NF1: variants seen among roughly 807,000 people sequenced by gnomAD.
The protein encoded by NF1 is neurofibromin.
A neutral mutation model predicts 325.7 loss-of-function variants in NF1; 122 were observed. The ratio of observed to expected loss-of-function variants is 0.37; its 90% CI spans 0.32 to 0.44. The LOEUF is 0.44. Among genes scored for constraint, NF1 ranks in the 20% least tolerant of loss-of-function variants. NF1 has a pLI of 1.00. For missense variants in NF1, 2,140 were observed against 3,415.4 expected, an observed-to-expected ratio of 0.63 and a Z score of 9.31; for synonymous variants, 1,091 against 1,186.0, an observed-to-expected ratio of 0.92 and a Z score of 1.65.
At chr17:31,303,586 A>G (rs1240141589) in intron 36 of NF1, among the ~76,000 whole-genome samples, 1 of 152,108 alleles carries the variant, frequency 6.6e-6, no homozygotes, top group Non-Finnish European at 1.5e-5. Context: ...GGGTGTTTAT[A>G]AAGAAGAAAC....
intron 1 of NF1, among the ~76,000 whole-genome samples, chr17:31,126,908 A>G (rs1033007082): frequency 4.2e-4 from 64 of 151,936 alleles, no homozygotes; most frequent in African/African-American, 1.5e-3. Flanking sequence ...ATAATTCTCT[A>G]TTTTCTAAAA....
chr17:31,176,390 G>C (rs2066023742), intron 5 of NF1, among the ~76,000 whole-genome samples: 1 of 152,108 alleles, frequency 6.6e-6, no homozygotes, highest in Non-Finnish European at 1.5e-5. Context: ...TAAGTTCTTT[G>C]TAGGTTCTGG....
rs2151583533 is a variant in NF1, at chr17:31,357,386, G to T, written c.7970+17G>T. On this transcript the variant is annotated intron_variant, in intron 54 of 57. Coordinates refer to ENST00000358273, the MANE Select transcript of NF1 (RefSeq NM_001042492.3). The stretch of plus-strand genomic sequence containing the variant: ...TCCTGTTGTGTAAGTATCTCCTTTT[G>T]ATTTTAATTCACCTTCGTGCCTGTC... The T allele has an allele frequency of 1.3e-6, 2 of 1,584,928 alleles. No individual in the cohort carries two copies. The highest frequency in any genetic ancestry group is 1.7e-6 in the Non-Finnish European group (2 of 1,153,574).
At chr17:31,339,209 G>C (rs1351612358) in intron 46 of NF1, among the ~76,000 whole-genome samples, 1 of 152,116 alleles carries the variant, frequency 6.6e-6, no homozygotes, top group Non-Finnish European at 1.5e-5. Flanking sequence ...GGAGTGAATG[G>C]ATAATGAAGT....
chr17:31,167,943 C>T (rs2065871550), intron 4 of NF1, among the ~76,000 whole-genome samples: 1 of 152,064 alleles, frequency 6.6e-6, no homozygotes. Flanking sequence ...CATGTACAAA[C>T]TGTGAAAAGT....
chr17:31,367,412 C>T, intron 57 of NF1: 1 of 406,922 alleles, frequency 2.5e-6, no homozygotes, highest in Non-Finnish European at 4.5e-6. Flanking sequence ...ACTTGTAAAG[C>T]CACCACTTTA....
chr17:31,165,297 C>T (rs1597638472), intron 4 of NF1, among the ~76,000 whole-genome samples: 1 of 152,286 alleles, frequency 6.6e-6, no homozygotes, highest in African/African-American at 2.4e-5. Flanking sequence ...ATTTTATTAG[C>T]TTTCAGAGGA....
intron 36 of NF1, among the ~76,000 whole-genome samples, chr17:31,286,436 A>T (rs2068229275): frequency 6.6e-6 from 1 of 152,148 alleles, no homozygotes; most frequent in African/African-American, 2.4e-5. Flanking sequence ...AGGTGTCTCT[A>T]AGCTCATACT....
At position 31,326,165 on chromosome 17, in the gene NF1, T is replaced by C. The variant is rs2151538814; in HGVS notation, c.5181T>C (p.Pro1727=). ...TAGAGCATGAACAACAGAAACTACC[T>C]GCTGCCACCTTGGCTTTAGAAGAGG... is the stretch of plus-strand genomic sequence containing the variant. ...EHIEHEQQKL[P]AATLALEEDL... The change falls in exon 37 of 58, where the codon CCT becomes CCC. Residue 1727 remains proline (P), a synonymous_variant. Coordinates refer to ENST00000358273, the MANE Select transcript of NF1 (RefSeq NM_001042492.3). 6.2e-7 allele frequency: 1 copy of C among 1,613,158 alleles called. No individual in the cohort carries two copies. Among genetic ancestry groups the C allele is most frequent in the East Asian group, 2.2e-5 (1 of 44,874 alleles).
At chr17:31,339,366 C>T (rs531305036) in intron 46 of NF1, among the ~76,000 whole-genome samples, 4 of 152,224 alleles carry the variant, frequency 2.6e-5, no homozygotes, top group African/African-American at 4.8e-5. Context: ...TTAGGATGGT[C>T]TGACCTTATC....
At chr17:31,340,389 A>G in intron 46 of NF1, 116 bp from the exon 47 acceptor site, 4 of 1,342,042 alleles carry the variant, frequency 3.0e-6, no homozygotes, top group Non-Finnish European at 3.2e-6. Context: ...CTTCCCCAAA[A>G]GAGAAAACAT....
intron 57 of NF1, among the ~76,000 whole-genome samples, chr17:31,371,828 CA>C (rs1324338793): frequency 7.2e-5 from 11 of 152,210 alleles, no homozygotes; most frequent in African/African-American, 2.7e-4. Context: ...GACAAATGCC[CA>C]TGTTCCTTTG....
intron 1 of NF1, among the ~76,000 whole-genome samples, chr17:31,127,712 G>A (rs1056878204): frequency 2.0e-5 from 3 of 151,860 alleles, no homozygotes; most frequent in African/African-American, 7.2e-5. Context: ...GATTACAGGT[G>A]TGAGCCACCA....
At chr17:31,153,861 GCCT>G (rs1917121210) in intron 1 of NF1, among the ~76,000 whole-genome samples, 1 of 151,156 alleles carries the variant, frequency 6.6e-6, no homozygotes, top group Non-Finnish European at 1.5e-5. Context: ...CAGTCCTCCT[GCCT>G]CAGCCTCTCA....
At chr17:31,124,558 C>A (rs1597588231) in intron 1 of NF1, among the ~76,000 whole-genome samples, 8 of 127,976 alleles carry the variant, frequency 6.3e-5, no homozygotes, top group South Asian at 2.7e-4. Context: ...TTATTATAAA[C>A]AATGCTTCAG....
At chr17:31,112,648 G>A (rs1463908057) in intron 1 of NF1, among the ~76,000 whole-genome samples, 1 of 152,112 alleles carries the variant, frequency 6.6e-6, no homozygotes, top group African/African-American at 2.4e-5. Flanking sequence ...GGAGTTTTCA[G>A]AATTCATAAT....
At chr17:31,296,682 G>T in intron 36 of NF1, 1 of 275,892 alleles carries the variant, frequency 3.6e-6, no homozygotes, top group Non-Finnish European at 7.0e-6. Flanking sequence ...AATAGTTGCA[G>T]TTGTAGGCTA....
chr17:31,236,182 T>C, intron 29 of NF1, among the ~76,000 whole-genome samples, 161 bp downstream of exon 29: 1 of 152,160 alleles, frequency 6.6e-6, no homozygotes, highest in East Asian at 1.9e-4. Context: ...TTTAATGATA[T>C]CTGTAATTTT....
In NF1 at chr17:31,096,940, CTG is replaced by C. The variant is rs1555594989; in HGVS notation, c.60+1573_60+1574del. Among the ~76,000 whole-genome samples, 12 of 151,980 alleles carry C rather than the reference CTG, an allele frequency of 7.9e-5. No individual in the cohort carries two copies. In the East Asian group the frequency reaches 2.3e-3, roughly 29 times the overall value. On this transcript the variant is annotated intron_variant, in intron 1 of 57. Coordinates refer to ENST00000358273, the MANE Select transcript of NF1 (RefSeq NM_001042492.3). ...GATTTAAAACTTGGTAGAAAAGACTCTGTAATTTTAAGAAAGGATTTAAAAGG... is the reference window on the plus strand; with the variant it reads ...GATTTAAAACTTGGTAGAAAAGACTCTAATTTTAAGAAAGGATTTAAAAGG...
Sources: allele counts gnomAD v4.1 joint callset (sites outside exome capture counted in the v4.1 genomes callset), GRCh38; gene constraint gnomAD v4.1.1; transcripts MANE v1.5; gene names NCBI Gene and HGNC (gene_info 2026-07-23, HGNC 2026-07-21).